LARGE1: variants seen among roughly 807,000 people sequenced by gnomAD.
LARGE1 encodes xylosyl- and glucuronyltransferase LARGE1.
In LARGE1, 43 loss-of-function variants were observed where a neutral mutation model predicts 87.6. That is an observed-to-expected ratio of 0.49 (90% confidence interval 0.38 to 0.63). LARGE1 has a LOEUF of 0.63. LARGE1 is among the 30% of genes least tolerant of loss of function. The pLI, the probability that LARGE1 is intolerant of heterozygous loss-of-function variation, is 0.00. For missense variants in LARGE1, 802 were observed against 1,000.2 expected (o/e 0.80, Z 2.67); for synonymous variants, 434 against 394.6 (o/e 1.10, Z -1.18).
intron 9 of LARGE1, among the ~76,000 whole-genome samples, chr22:33,364,262 T>A (rs2064501220): frequency 6.6e-6 from 1 of 152,128 alleles, no homozygotes; most frequent in Non-Finnish European, 1.5e-5. Context: ...TTTCACCGTG[T>A]TAGCCAGGAT....
chr22:33,600,163 C>T (rs983059454), intron 5 of LARGE1, among the ~76,000 whole-genome samples: 7 of 152,132 alleles, frequency 4.6e-5, no homozygotes, highest in East Asian at 1.9e-4. Context: ...ACTCTGCCAT[C>T]GGTTTTATTA....
chr22:33,556,517 AG>A (rs1347891124), intron 6 of LARGE1, among the ~76,000 whole-genome samples: 2,594 of 54,262 alleles, frequency 0.048, 69 homozygotes, highest in African/African-American at 0.12. Flanking sequence ...GAAGGAAGGA[AG>A]GGAGGGAGGG....
chr22:33,316,145 T>G lies in LARGE1; in HGVS notation c.1391A>C (p.Glu464Ala), dbSNP rs1569046976. 1 of 1,614,068 alleles carries G rather than the reference T, an allele frequency of 6.2e-7. No individual in the cohort carries two copies. The highest frequency in any genetic ancestry group is 8.5e-7 in the Non-Finnish European group (1 of 1,180,004). ...CGTGCTGTCTGCTGCAGGCTCATAC[T>G]CGTAGTGCAGGAAGTACAGGTGGGT... ...HRTHLYFLHYEYEPAADSTDV... is the reference protein window; with the variant it reads ...HRTHLYFLHYAYEPAADSTDV... Residue 464 changes from glutamate to alanine, a missense_variant, in exon 11 of 15, where the codon GAG becomes GCG. Glu to Ala is a moderately radical substitution (Grantham distance 107, BLOSUM62 -1). Coordinates refer to ENST00000397394, the MANE Select transcript of LARGE1 (RefSeq NM_133642.5).
At position 33,720,432 on chromosome 22, in the gene LARGE1, T is replaced by C. The variant is rs192780413; in HGVS notation, c.106+40939A>G. 3.9e-3 allele frequency among the ~76,000 whole-genome samples: 599 copies of C among 152,280 alleles called. 3 individuals are homozygous for C. Among genetic ancestry groups the C allele is most frequent in the African/African-American group, 0.014 (569 of 41,548 alleles). On this transcript the variant is annotated intron_variant, in intron 2 of 14. Coordinates refer to ENST00000397394, the MANE Select transcript of LARGE1 (RefSeq NM_133642.5). ...GCCATGTTCCTAATAGGCCACGGAC[T>C]GGTACCAGGGGCTGAGGACCCCTGG...
At chr22:33,120,412 TTCTTTCTTTCTTTC>T in the LARGE1 span, among the ~76,000 whole-genome samples, 1 of 116,820 alleles carries the variant, frequency 8.6e-6, no homozygotes, top group East Asian at 2.4e-4. Flanking sequence ...CTTTCTTTCC[TTCTTTCTTTCTTTC>T]TCTCTCTCTC....
chr22:33,139,432 C>T, the LARGE1 span, among the ~76,000 whole-genome samples: 1 of 152,112 alleles, frequency 6.6e-6, no homozygotes, highest in Non-Finnish European at 1.5e-5. Flanking sequence ...TTTGTCAGTT[C>T]AGTTAATGGG....
Position 33,735,492 on chromosome 22 carries a change from A to AT in LARGE1, c.106+25878dup, listed in dbSNP as rs113735378. ...GCTAAGAACTTAGAGGGAAAAATTG[A>AT]TTTTTTTTTCCTCCCCAACAAAGGT... On this transcript the variant is annotated intron_variant, in intron 2 of 14. Coordinates refer to ENST00000397394, the MANE Select transcript of LARGE1 (RefSeq NM_133642.5). Among the ~76,000 whole-genome samples the AT allele has an allele frequency of 5.2e-3, 781 of 151,488 alleles. 7 individuals carry two copies. Among genetic ancestry groups the AT allele is most frequent in the African/African-American group, 0.018 (729 of 41,282 alleles).
chr22:33,457,427 G>A (rs2068184029), intron 6 of LARGE1, among the ~76,000 whole-genome samples: 1 of 150,852 alleles, frequency 6.6e-6, no homozygotes, highest in South Asian at 2.1e-4. Context: ...AAAGTGCTGG[G>A]ATTATAGGTG....
intron 6 of LARGE1, among the ~76,000 whole-genome samples, chr22:33,489,859 T>A (rs1343463356): frequency 1.3e-5 from 2 of 152,166 alleles, no homozygotes; most frequent in African/African-American, 4.8e-5. Context: ...CTGCAGGCGC[T>A]CAGATGAATG....
At chr22:33,719,914 C>T (rs940213897) in intron 2 of LARGE1, among the ~76,000 whole-genome samples, 8 of 152,158 alleles carry the variant, frequency 5.3e-5, no homozygotes, top group Middle Eastern at 3.2e-3. Context: ...AGTACAGTCA[C>T]ATGCTATACA....
At chr22:33,557,081 C>T (rs1239283033) in intron 6 of LARGE1, among the ~76,000 whole-genome samples, 1 of 152,146 alleles carries the variant, frequency 6.6e-6, no homozygotes, top group Non-Finnish European at 1.5e-5. Flanking sequence ...AATACAGAGC[C>T]ATTACCTGAC....
At chr22:33,915,042 C>CACACACAAGAG (rs144076486) in intron 1 of LARGE1, among the ~76,000 whole-genome samples, 1 of 137,032 alleles carries the variant, frequency 7.3e-6, no homozygotes, top group South Asian at 2.4e-4. Flanking sequence ...CACACACACA[C>CACACACAAGAG]AGAGAGAGAG....
chr22:33,366,074 AT>A (rs1349927944), intron 9 of LARGE1, among the ~76,000 whole-genome samples: 2 of 152,268 alleles, frequency 1.3e-5, no homozygotes, highest in African/African-American at 2.4e-5. Flanking sequence ...CATTTAAAAA[AT>A]AAAAGTTTAA....
At chr22:33,091,595 T>TAAATAAAG in the LARGE1 span, among the ~76,000 whole-genome samples, 1 of 150,384 alleles carries the variant, frequency 6.6e-6, no homozygotes, top group South Asian at 2.1e-4. Context: ...AATAAATAAA[T>TAAATAAAG]AAAGAGACAT....
intron 1 of LARGE1, among the ~76,000 whole-genome samples, chr22:33,796,767 C>CTTTT (rs35532520): frequency 4.7e-5 from 5 of 106,090 alleles, no homozygotes; most frequent in South Asian, 3.3e-4. Context: ...AAGACTTGGG[C>CTTTT]TTTTTTTTTT....
intron 2 of LARGE1, among the ~76,000 whole-genome samples, chr22:33,731,347 A>G (rs889252570): frequency 2.0e-5 from 3 of 152,134 alleles, no homozygotes; most frequent in African/African-American, 7.2e-5. Context: ...ACTTATTGAG[A>G]TAGTGATATT....
At chr22:33,147,304 TA>T in the LARGE1 span, among the ~76,000 whole-genome samples, 1 of 152,332 alleles carries the variant, frequency 6.6e-6, no homozygotes, top group East Asian at 1.9e-4. Flanking sequence ...GATGTATGTT[TA>T]AAAATTAGTA....
chr22:33,435,804 C>T (rs1187183133), intron 6 of LARGE1, among the ~76,000 whole-genome samples: 1 of 152,198 alleles, frequency 6.6e-6, no homozygotes, highest in Non-Finnish European at 1.5e-5. Context: ...GATAGTACCA[C>T]TTAACCCTCT....
chr22:33,395,226 C>CCAAAAAAA (rs2065691517), intron 7 of LARGE1, among the ~76,000 whole-genome samples: 1 of 61,640 alleles, frequency 1.6e-5, no homozygotes, highest in Non-Finnish European at 3.1e-5. Context: ...GACTCTGCCT[C>CCAAAAAAA]AAAAAAAAAA....
Sources: allele counts gnomAD v4.1 joint callset (sites outside exome capture counted in the v4.1 genomes callset), GRCh38; gene constraint gnomAD v4.1.1; transcripts MANE v1.5; gene names NCBI Gene and HGNC (gene_info 2026-07-23, HGNC 2026-07-21).